Variants in TBC1D23 observed in about 807,000 individuals in gnomAD.
TBC1D23 encodes the protein HCV non-structural protein 4A-transactivated protein 1.
A neutral mutation model predicts 91.4 loss-of-function variants in TBC1D23; 55 were observed. That is an observed-to-expected ratio of 0.60 (90% confidence interval 0.48 to 0.75). The LOEUF (loss-of-function observed/expected upper bound fraction) is 0.75, where lower values mean the gene tolerates loss of function less well. TBC1D23 is among the 30% of genes least tolerant of loss of function. The pLI is 0.00. For missense variants in TBC1D23, 725 were observed against 836.1 expected (o/e 0.87, Z 1.64); for synonymous variants, 289 against 281.0 (o/e 1.03, Z -0.28).
intron 10 of TBC1D23, among the ~76,000 whole-genome samples, chr3:100,301,286 A>AG: frequency 6.6e-6 from 1 of 151,910 alleles, no homozygotes; most frequent in Non-Finnish European, 1.5e-5. Context: ...AAAAAAAAAA[A>AG]AAAAATGGTG....
At chr3:100,273,647 G>A (rs761342969) in intron 1 of TBC1D23, among the ~76,000 whole-genome samples, 1 of 152,182 alleles carries the variant, frequency 6.6e-6, no homozygotes, top group Non-Finnish European at 1.5e-5. Flanking sequence ...AACCAAAACA[G>A]CAGGATACTG....
chr3:100,261,291 C>T (rs2067508367), intron 1 of TBC1D23: 5 of 581,288 alleles, frequency 8.6e-6, no homozygotes, highest in Non-Finnish European at 3.1e-6. Context: ...GGGTGTCATC[C>T]AGGTGCTGGG....
At chr3:100,293,582 G>C (rs2067811759) in intron 5 of TBC1D23, among the ~76,000 whole-genome samples, 1 of 152,212 alleles carries the variant, frequency 6.6e-6, no homozygotes, top group Admixed American at 6.5e-5. Context: ...AAAGATGACT[G>C]TGTATTGCTA....
intron 18 of TBC1D23, among the ~76,000 whole-genome samples, chr3:100,322,286 G>T (rs1004703198): frequency 6.6e-6 from 1 of 151,976 alleles, no homozygotes; most frequent in African/African-American, 2.4e-5. Flanking sequence ...GTAGAGATGG[G>T]GTTTCACCGT....
Position 100,298,155 on chromosome 3 carries a change from GC to G in TBC1D23, c.999+111del, listed in dbSNP as rs1705340027. The G allele has an allele frequency of 1.1e-5, 10 of 895,574 alleles. No individual in the cohort carries two copies. The South Asian group carries it at 2.1e-4, about 18-fold the overall frequency. The allele number at this position is 895,574 out of a possible 1,614,324, so 55.5% of individuals were successfully genotyped here. Reference sequence around the variant, plus strand: ...AAAATCAATTTACTGCAACAAGGTGGCTCTTTTGGCTTTTTGAATGATTGTG... The same window carrying G: ...AAAATCAATTTACTGCAACAAGGTGGTCTTTTGGCTTTTTGAATGATTGTG... On this transcript the variant is annotated intron_variant, in intron 9 of 18. Transcript: ENST00000394144.
intron 2 of TBC1D23, 140 bp from the exon 3 acceptor site, chr3:100,281,602 T>G (rs1045787904): frequency 3.9e-6 from 2 of 508,728 alleles, no homozygotes; most frequent in Admixed American, 7.2e-5. Flanking sequence ...GACTAAATAC[T>G]CAACATTTGG....
chr3:100,308,336 G>A (rs753989734), intron 13 of TBC1D23, among the ~76,000 whole-genome samples: 9 of 151,948 alleles, frequency 5.9e-5, no homozygotes, highest in South Asian at 2.1e-4. Context: ...ATAGCCGGGC[G>A]TGGTGGCAGG....
At chr3:100,262,731 A>AAAAC (rs1553725964) in intron 1 of TBC1D23, among the ~76,000 whole-genome samples, 2 of 151,220 alleles carry the variant, frequency 1.3e-5, no homozygotes, top group Non-Finnish European at 3.0e-5. Context: ...CTCAAAAAAA[A>AAAAC]AAAAAAAAAA....
chr3:100,308,701 CAT>C (rs1705563474), intron 13 of TBC1D23, among the ~76,000 whole-genome samples: 2 of 152,118 alleles, frequency 1.3e-5, no homozygotes, highest in Admixed American at 6.5e-5. Flanking sequence ...TTTCACTAAA[CAT>C]ATGAGCATTT....
chr3:100,262,941 TG>T (rs2067525685), intron 1 of TBC1D23, among the ~76,000 whole-genome samples: 2 of 152,144 alleles, frequency 1.3e-5, no homozygotes, highest in South Asian at 4.1e-4. Flanking sequence ...ACACATGGCT[TG>T]GAGCTAACAT....
Position 100,275,614 on chromosome 3 carries a change from T to C in TBC1D23, c.54-4035T>C, listed in dbSNP as rs1403240472. Among the ~76,000 whole-genome samples the C allele has an allele frequency of 2.0e-5, 3 of 152,194 alleles. No homozygotes were observed. The East Asian group carries it at 5.8e-4, about 29-fold the overall frequency. The stretch of plus-strand genomic sequence containing the variant: ...GTTTTTGAGTGAGGTTTTAATAGAC[T>C]TGATCTTTAAATTCTTTCAGACCTC... On this transcript the variant is annotated intron_variant, in intron 1 of 18. Transcript: ENST00000394144.
At chr3:100,311,247 G>T (rs1294265652) in intron 14 of TBC1D23, among the ~76,000 whole-genome samples, 4 of 152,162 alleles carry the variant, frequency 2.6e-5, no homozygotes, top group Non-Finnish European at 5.9e-5. Context: ...TCACTTTCAT[G>T]TCTTGCAGTA....
rs527680113 is a variant in TBC1D23 at position 100,298,902 on chromosome 3, C to T, written c.1000-337C>T. ...TTATTTGCAAAAAAGAATAGCATAT[C>T]TAGAGTTGTGTTTATAACTATATAG... On this transcript the variant is annotated intron_variant, in intron 9 of 18. Transcript: ENST00000394144. Among the ~76,000 whole-genome samples, 4 of 152,186 alleles carry T rather than the reference C, an allele frequency of 2.6e-5. No individual in the cohort carries two copies. In the East Asian group the frequency reaches 7.7e-4, roughly 29 times the overall value.
rs1705908046 is a variant in TBC1D23 at position 100,323,874 on chromosome 3, G to T, written c.*206G>T. 8.8e-6 allele frequency: 2 copies of T among 227,632 alleles called. No individual in the cohort carries two copies. Among genetic ancestry groups the T allele is most frequent in the Non-Finnish European group, 1.8e-5 (2 of 113,474 alleles). 14.1% of individuals were successfully genotyped at this position (227,632 alleles called of 1,614,324 possible). On this transcript the variant is annotated 3_prime_UTR_variant, in exon 19 of 19. Coordinates refer to ENST00000394144, the MANE Select transcript of TBC1D23 (RefSeq NM_001199198.3). ...CTTCTGCATTTTGGTTTTATAAAAT[G>T]ATGTATTATAAAGGTCAGTTATTAA...
At chr3:100,269,714 G>A (rs1245242438) in intron 1 of TBC1D23, among the ~76,000 whole-genome samples, 2 of 152,164 alleles carry the variant, frequency 1.3e-5, no homozygotes, top group Non-Finnish European at 2.9e-5. Flanking sequence ...TTTTGTTATG[G>A]TAGTACTTTG....
chr3:100,306,588 C>T (rs1269929354), intron 13 of TBC1D23, 45 bp downstream of exon 13: 2 of 1,204,416 alleles, frequency 1.7e-6, no homozygotes, highest in Admixed American at 3.6e-5. Context: ...GATAAGTTCC[C>T]AGAAAAGGTG....
intron 4 of TBC1D23, among the ~76,000 whole-genome samples, chr3:100,284,981 T>A (rs1025668600): frequency 1.3e-5 from 2 of 152,092 alleles, no homozygotes; most frequent in African/African-American, 4.8e-5. Flanking sequence ...AATCTGGACC[T>A]TGATAGTTAA....
chr3:100,296,649 G>C (rs918558392), intron 8 of TBC1D23, among the ~76,000 whole-genome samples: 1 of 151,582 alleles, frequency 6.6e-6, no homozygotes, highest in Admixed American at 6.6e-5. Context: ...CACGAGGTCG[G>C]GAGATCGAGA....
chr3:100,291,574 C>T lies in TBC1D23; in HGVS notation c.600+873C>T, dbSNP rs1246359450. 2.1e-5 allele frequency among the ~76,000 whole-genome samples: 3 copies of T among 144,878 alleles called. No individual in the cohort carries two copies. The East Asian group carries it at 6.0e-4, about 29-fold the overall frequency. ...CTCCAGCCTGGGCAACAGAGTGAGA[C>T]TCTGTCTCAAAAAAAAAAAAAAAAT... On this transcript the variant is annotated intron_variant, in intron 5 of 18. Coordinates refer to ENST00000394144, the MANE Select transcript of TBC1D23 (RefSeq NM_001199198.3).
Sources: gnomAD v4.1 joint callset for allele counts (sites outside exome capture counted in the v4.1 genomes callset) on GRCh38, gnomAD v4.1.1 for gene constraint, MANE v1.5 for transcripts, NCBI Gene and HGNC (gene_info 2026-07-23, HGNC 2026-07-21) for gene names.